Variants in MACROD2 observed in about 807,000 individuals in gnomAD.
MACROD2 encodes the protein ADP-ribose glycohydrolase MACROD2.
A neutral mutation model predicts 70.4 loss-of-function variants in MACROD2; 36 were observed. The ratio of observed to expected loss-of-function variants is 0.51; its 90% CI spans 0.39 to 0.68. MACROD2 has a LOEUF of 0.68. Ranked by LOEUF, MACROD2 falls within the 30% of genes least tolerant of loss-of-function variation. MACROD2 has a pLI of 0.00. For synonymous variants in MACROD2, 172 were observed against 178.8 expected (o/e 0.96, Z 0.30); for missense variants, 496 against 538.4 (o/e 0.92, Z 0.78).
At chr20:14,611,475 C>CG (rs1328636683) in intron 4 of MACROD2, among the ~76,000 whole-genome samples, 2 of 84,708 alleles carry the variant, frequency 2.4e-5, no homozygotes, top group Non-Finnish European at 4.3e-5. Context: ...TTTTTTTTGG[C>CG]GGGGGGTCAT....
chr20:14,213,775 A>C (rs1307487987), intron 3 of MACROD2, among the ~76,000 whole-genome samples: 1 of 152,164 alleles, frequency 6.6e-6, no homozygotes, highest in Non-Finnish European at 1.5e-5. Context: ...TGAATCTGTG[A>C]ATATGATTAT....
chr20:15,814,132 G>A (rs1358956844), intron 8 of MACROD2, among the ~76,000 whole-genome samples: 1 of 151,984 alleles, frequency 6.6e-6, no homozygotes, highest in African/African-American at 2.4e-5. Flanking sequence ...AATATATGAG[G>A]GTAAAATAAC....
At chr20:15,659,658 C>T (rs948572158) in intron 8 of MACROD2, among the ~76,000 whole-genome samples, 2 of 151,882 alleles carry the variant, frequency 1.3e-5, no homozygotes, top group Admixed American at 6.6e-5. Flanking sequence ...GGCCAGGTGT[C>T]TTAGTCCATT....
intron 15 of MACROD2, among the ~76,000 whole-genome samples, chr20:15,996,079 A>G (rs907482005): frequency 6.6e-6 from 1 of 152,152 alleles, no homozygotes; most frequent in Admixed American, 6.5e-5. Flanking sequence ...GTGGAATCTC[A>G]TACTATTTTC....
intron 5 of MACROD2, among the ~76,000 whole-genome samples, chr20:15,039,939 T>G (rs1264528086): frequency 1.3e-5 from 2 of 152,180 alleles, no homozygotes; most frequent in Non-Finnish European, 2.9e-5. Context: ...AGTCCTTGCT[T>G]CCTTCCACAC....
intron 5 of MACROD2, among the ~76,000 whole-genome samples, chr20:14,807,455 CA>C (rs1263050579): frequency 1.3e-5 from 2 of 151,960 alleles, no homozygotes; most frequent in Non-Finnish European, 2.9e-5. Flanking sequence ...CAGCAAAGGC[CA>C]AAGGTAGATA....
intron 7 of MACROD2, among the ~76,000 whole-genome samples, chr20:15,444,535 A>T (rs1345448364): frequency 6.6e-6 from 1 of 151,998 alleles, no homozygotes; most frequent in Non-Finnish European, 1.5e-5. Flanking sequence ...CTATGCAGTG[A>T]TGTAGGTTTC....
rs540027176 is a variant in MACROD2, at chr20:14,020,242, G to A, written c.163+17838G>A. Among the ~76,000 whole-genome samples, 33 of 152,310 alleles carry A rather than the reference G, an allele frequency of 2.2e-4. No homozygotes were observed. The East Asian group carries it at 6.4e-3, about 29-fold the overall frequency. On this transcript the variant is annotated intron_variant, in intron 2 of 17. Coordinates refer to ENST00000684519, the MANE Select transcript of MACROD2 (RefSeq NM_001351661.2). ...AATCCCAGCACTTTGGGAGGCCGAG[G>A]CAGGCGTATCACCTGAGGTTGGGAG...
intron 6 of MACROD2, among the ~76,000 whole-genome samples, chr20:15,386,438 T>TTC (rs1289313004): frequency 4.6e-5 from 7 of 152,208 alleles, no homozygotes; most frequent in Admixed American, 4.6e-4. Context: ...GTAAGTTATC[T>TTC]TCCAAGGTCA....
chr20:14,309,861 C>T (rs140634515), intron 3 of MACROD2, among the ~76,000 whole-genome samples: 1 of 152,222 alleles, frequency 6.6e-6, no homozygotes, highest in East Asian at 1.9e-4. Flanking sequence ...CTATAGTTTA[C>T]AAGTGTTCTC....
intron 3 of MACROD2, among the ~76,000 whole-genome samples, chr20:14,192,091 A>G (rs2081393901): frequency 6.6e-6 from 1 of 152,214 alleles, no homozygotes; most frequent in Non-Finnish European, 1.5e-5. Context: ...TCTAGACACT[A>G]GTAGGCATTC....
At chr20:15,224,316 A>C (rs557955292) in intron 5 of MACROD2, among the ~76,000 whole-genome samples, 4 of 152,360 alleles carry the variant, frequency 2.6e-5, no homozygotes, top group South Asian at 4.1e-4. Flanking sequence ...GTATACAAGC[A>C]TGAGGCTAAA....
chr20:14,777,239 T>G (rs73264638), intron 5 of MACROD2, among the ~76,000 whole-genome samples: 6,912 of 152,132 alleles, frequency 0.045, 558 homozygotes, highest in African/African-American at 0.16. Context: ...GGGTATCATT[T>G]TACATTTCCA....
intron 5 of MACROD2, among the ~76,000 whole-genome samples, chr20:14,760,152 C>T (rs2071995458): frequency 6.6e-6 from 1 of 152,016 alleles, no homozygotes; most frequent in African/African-American, 2.4e-5. Context: ...GGGAAAATAA[C>T]AACTGCAGAT....
intron 3 of MACROD2, among the ~76,000 whole-genome samples, chr20:14,281,427 G>A: frequency 6.6e-6 from 1 of 152,166 alleles, no homozygotes; most frequent in East Asian, 1.9e-4. Flanking sequence ...AGTGGAGAAT[G>A]GGGATTAACT....
intron 6 of MACROD2, among the ~76,000 whole-genome samples, chr20:15,230,739 G>A (rs1156691785): frequency 6.6e-6 from 1 of 151,998 alleles, no homozygotes; most frequent in East Asian, 1.9e-4. Context: ...TTCTCTTCTA[G>A]CTGGATTTGG....
At chr20:15,120,621 T>C (rs546435747) in intron 5 of MACROD2, among the ~76,000 whole-genome samples, 2 of 152,306 alleles carry the variant, frequency 1.3e-5, no homozygotes, top group East Asian at 3.9e-4. Context: ...ACACAGACAG[T>C]ATATTAAAAT....
chr20:14,473,500 A>G (rs777741213), intron 3 of MACROD2, among the ~76,000 whole-genome samples: 1 of 152,218 alleles, frequency 6.6e-6, no homozygotes, highest in Non-Finnish European at 1.5e-5. Context: ...TTAAGGCTGA[A>G]TAGTATTCCA....
At chr20:15,200,921 A>T (rs1350848213) in intron 5 of MACROD2, among the ~76,000 whole-genome samples, 2 of 152,166 alleles carry the variant, frequency 1.3e-5, no homozygotes, top group Non-Finnish European at 2.9e-5. Flanking sequence ...TTAGAAGCAA[A>T]TTATCAACTG....
Sources: gnomAD v4.1 joint callset for allele counts (sites outside exome capture counted in the v4.1 genomes callset) on GRCh38, gnomAD v4.1.1 for gene constraint, MANE v1.5 for transcripts, NCBI Gene and HGNC (gene_info 2026-07-23, HGNC 2026-07-21) for gene names.